Variants in GRM8 observed in about 807,000 individuals in gnomAD.
The protein encoded by GRM8 is metabotropic glutamate receptor 8.
A neutral mutation model predicts 87.2 loss-of-function variants in GRM8; 47 were observed. That is an observed-to-expected ratio of 0.54 (90% CI 0.43 to 0.69). The LOEUF (loss-of-function observed/expected upper bound fraction) is 0.69. GRM8 is among the 30% of genes least tolerant of loss of function. The probability of loss-of-function intolerance (pLI) is 0.00; values close to 1 mark genes in which losing one functional copy is unlikely to be tolerated. For synonymous variants in GRM8, 396 were observed against 404.5 expected (o/e 0.98, Z 0.25); for missense variants, 1,019 against 1,139.2 (o/e 0.89, Z 1.52).
At chr7:126,505,903 T>A (rs1427786444) in intron 9 of GRM8, among the ~76,000 whole-genome samples, 2 of 152,070 alleles carry the variant, frequency 1.3e-5, no homozygotes, top group Non-Finnish European at 2.9e-5. Context: ...TAATAGGTGT[T>A]GCTAACTATA....
At chr7:126,856,973 T>C (rs1797744384) in intron 6 of GRM8, among the ~76,000 whole-genome samples, 1 of 152,236 alleles carries the variant, frequency 6.6e-6, no homozygotes, top group African/African-American at 2.4e-5. Flanking sequence ...GAGACTAGAT[T>C]CTTGATGCAA....
At chr7:126,875,546 T>G (rs1162772194) in intron 6 of GRM8, among the ~76,000 whole-genome samples, 2 of 152,198 alleles carry the variant, frequency 1.3e-5, no homozygotes, top group Non-Finnish European at 2.9e-5. Flanking sequence ...ATGTTCCCCA[T>G]CATGGCTAAA....
chr7:126,713,706 G>T (rs1438147974), intron 7 of GRM8, among the ~76,000 whole-genome samples: 2 of 151,934 alleles, frequency 1.3e-5, no homozygotes, highest in Non-Finnish European at 2.9e-5. Flanking sequence ...AGGCTAGTGG[G>T]TGGGGAAAAT....
chr7:126,911,449 T>C (rs1460455946), intron 3 of GRM8, among the ~76,000 whole-genome samples: 1 of 152,162 alleles, frequency 6.6e-6, no homozygotes, highest in Non-Finnish European at 1.5e-5. Context: ...AATAAAATGG[T>C]TAAAACTATT....
At chr7:126,516,263 CA>C (rs1182935946) in intron 9 of GRM8, among the ~76,000 whole-genome samples, 1 of 151,608 alleles carries the variant, frequency 6.6e-6, no homozygotes, top group Non-Finnish European at 1.5e-5. Flanking sequence ...AATAATTATC[CA>C]TTGTTTATCT....
At position 126,446,274 on chromosome 7, in the gene GRM8, A is replaced by T; in HGVS notation, c.2529T>A (p.Phe843Leu). 6.2e-7 allele frequency: 1 copy of T among 1,612,422 alleles called. No homozygotes were observed. Among genetic ancestry groups the T allele is most frequent in the Non-Finnish European group, 8.5e-7 (1 of 1,178,960 alleles). Reference protein sequence around the residue: ...LYMPKVYIIIFHPEQNVQKRK... With the variant: ...LYMPKVYIIILHPEQNVQKRK... ...GTTTTTGAACATTCTGTTCTGGATG[A>T]AAAATTATAATATAAACCTTGGGCA... The change falls in exon 10 of 11, where the codon TTT becomes TTA. Residue 843 changes from phenylalanine to leucine, a missense_variant. Coordinates refer to ENST00000339582, the MANE Select transcript of GRM8 (RefSeq NM_000845.3).
chr7:126,768,039 A>G (rs1266277022), intron 7 of GRM8, among the ~76,000 whole-genome samples: 2 of 151,946 alleles, frequency 1.3e-5, no homozygotes, highest in African/African-American at 4.8e-5. Context: ...GGCCTATAAG[A>G]CCTCACATGG....
At chr7:126,881,998 C>T (rs1800067565) in intron 6 of GRM8, among the ~76,000 whole-genome samples, 1 of 152,026 alleles carries the variant, frequency 6.6e-6, no homozygotes, top group South Asian at 2.1e-4. Flanking sequence ...AAACTCCATC[C>T]CCTGGCCTTA....
intron 8 of GRM8, among the ~76,000 whole-genome samples, chr7:126,543,789 A>G (rs1317934187): frequency 2.0e-5 from 3 of 152,212 alleles, no homozygotes; most frequent in Admixed American, 6.5e-5. Flanking sequence ...GGATCACTGG[A>G]AAGAGTCAAT....
chr7:126,913,763 C>T (rs555040607), intron 3 of GRM8, among the ~76,000 whole-genome samples: 4 of 152,250 alleles, frequency 2.6e-5, no homozygotes, highest in East Asian at 1.9e-4. Flanking sequence ...ACAATATTTT[C>T]GCCTCCTCAT....
intron 3 of GRM8, among the ~76,000 whole-genome samples, chr7:127,043,192 T>C (rs1818599967): frequency 6.6e-6 from 1 of 152,222 alleles, no homozygotes; most frequent in East Asian, 1.9e-4. Context: ...TCAACCATTG[T>C]GGAAGTCAGT....
At chr7:127,147,470 T>C (rs1299272106) in intron 2 of GRM8, among the ~76,000 whole-genome samples, 1 of 152,050 alleles carries the variant, frequency 6.6e-6, no homozygotes, top group Non-Finnish European at 1.5e-5. Flanking sequence ...TGCTAACTAC[T>C]AATAAGCTGC....
intron 3 of GRM8, among the ~76,000 whole-genome samples, chr7:126,915,534 G>T (rs924421992): frequency 1.2e-4 from 19 of 152,182 alleles, no homozygotes; most frequent in Admixed American, 6.5e-5. Flanking sequence ...GCTGCAGAAA[G>T]CTGTATAGTT....
intron 8 of GRM8, among the ~76,000 whole-genome samples, chr7:126,569,899 A>T (rs1794550184): frequency 6.6e-6 from 1 of 152,142 alleles, no homozygotes; most frequent in African/African-American, 2.4e-5. Context: ...TCCTTTTTAA[A>T]TTCCAGTCCT....
At chr7:127,038,393 G>T (rs767882499) in intron 3 of GRM8, among the ~76,000 whole-genome samples, 1 of 152,102 alleles carries the variant, frequency 6.6e-6, no homozygotes, top group Non-Finnish European at 1.5e-5. Context: ...AAGAAAATGA[G>T]CTTTGAACTT....
chr7:127,130,454 G>A (rs944790076), intron 2 of GRM8, among the ~76,000 whole-genome samples: 3 of 152,192 alleles, frequency 2.0e-5, no homozygotes, highest in Admixed American at 2.0e-4. Flanking sequence ...AGTCCAGGCT[G>A]AGGTGGTCTC....
intron 6 of GRM8, among the ~76,000 whole-genome samples, chr7:126,839,237 C>T (rs914662917): frequency 2.6e-5 from 4 of 152,164 alleles, no homozygotes; most frequent in Middle Eastern, 3.2e-3. Flanking sequence ...ATGTTCTAGG[C>T]TTCTGCTAAG....
At chr7:127,123,967 T>C (rs941331169) in intron 2 of GRM8, among the ~76,000 whole-genome samples, 2 of 152,200 alleles carry the variant, frequency 1.3e-5, no homozygotes, top group African/African-American at 4.8e-5. Flanking sequence ...GAATTGCACA[T>C]GCAGCAGCCT....
At chr7:127,137,498 C>T (rs1354687620) in intron 2 of GRM8, among the ~76,000 whole-genome samples, 3 of 152,050 alleles carry the variant, frequency 2.0e-5, no homozygotes, top group African/African-American at 4.8e-5. Context: ...GCAGTTGGCT[C>T]CTCCTGTATG....
Sources: gnomAD v4.1 joint callset for allele counts (sites outside exome capture counted in the v4.1 genomes callset) on GRCh38, gnomAD v4.1.1 for gene constraint, MANE v1.5 for transcripts, NCBI Gene and HGNC (gene_info 2026-07-23, HGNC 2026-07-21) for gene names.